The following USP34 variants were observed in gnomAD, a reference collection of about 807,000 sequenced individuals.
USP34 encodes ubiquitin carboxyl-terminal hydrolase 34.
A neutral mutation model predicts 460.3 loss-of-function variants in USP34; 70 were observed. That is an observed-to-expected ratio of 0.15 (90% CI 0.13 to 0.19). The LOEUF (loss-of-function observed/expected upper bound fraction) is 0.19, where lower values mean the gene tolerates loss of function less well. Ranked by LOEUF, USP34 falls within the 10% of genes least tolerant of loss-of-function variation. USP34 has a pLI of 1.00. For synonymous variants in USP34, 1,647 were observed against 1,405.3 expected, an observed-to-expected ratio of 1.17 and a Z score of -3.85; for missense variants, 3,985 against 4,236.2, an observed-to-expected ratio of 0.94 and a Z score of 1.65.
chr2:61,418,623 T>C (rs1273155709), intron 2 of USP34, among the ~76,000 whole-genome samples: 2 of 152,222 alleles, frequency 1.3e-5, no homozygotes, highest in Admixed American at 6.5e-5. Context: ...TATTAGTACC[T>C]GTTTATCCGC....
rs1309796148 is a variant in USP34, at chr2:61,317,662, T to G, written c.3274A>C (p.Asn1092His). 2 of 1,613,220 alleles carry G rather than the reference T, an allele frequency of 1.2e-6. No homozygotes were observed. The highest frequency in any genetic ancestry group is 1.7e-6 in the Non-Finnish European group (2 of 1,179,574). Residue 1092 changes from asparagine (N) to histidine (H), a missense_variant, in exon 23 of 80, where the codon AAT becomes CAT. By Grantham distance (68) the Asn-to-His change is moderately conservative (BLOSUM62 1). Transcript: ENST00000398571. Reference protein sequence around the residue: ...LATSAYDGCSNSELCGMDQFW... With the variant: ...LATSAYDGCSHSELCGMDQFW... ...TAAGTCTAAATCCATACCTCAGAAT[T>G]TGAACAACCATCATAGGCACTGGTA... is the stretch of plus-strand genomic sequence containing the variant.
At position 61,342,818 on chromosome 2, in the gene USP34, T is replaced by G. The variant is rs551714067; in HGVS notation, c.2500+997A>C. Reference sequence around the variant, plus strand: ...TGAAAAGAAAACCATTTTGTTCAATTTCTAACTCCACGCAGTAAAAAATAG... The same window carrying G: ...TGAAAAGAAAACCATTTTGTTCAATGTCTAACTCCACGCAGTAAAAAATAG... On this transcript the variant is annotated intron_variant, in intron 16 of 79. Transcript: ENST00000398571. 4.6e-5 allele frequency among the ~76,000 whole-genome samples: 7 copies of G among 152,312 alleles called. No homozygotes were observed. In the East Asian group the frequency reaches 1.3e-3, roughly 29 times the overall value.
At chr2:61,417,023 T>C in intron 2 of USP34, 1 of 1,310,268 alleles carries the variant, frequency 7.6e-7, no homozygotes, top group South Asian at 1.2e-5. Context: ...CCCCACTTCT[T>C]CCAGATGTGG....
At chr2:61,352,332 TACTAA>T (rs1281341808) in intron 10 of USP34, among the ~76,000 whole-genome samples, 2 of 151,888 alleles carry the variant, frequency 1.3e-5, no homozygotes, top group Admixed American at 6.6e-5. Context: ...TATATGTATA[TACTAA>T]ACTATACACT....
chr2:61,309,655 T>G lies in USP34; in HGVS notation c.3817+1885A>C, dbSNP rs1423376480. ...CTCCATGTCCTACTGCTTGAATCAG[T>G]AGAGGACATCCATTTCATCCTAAAG... On this transcript the variant is annotated intron_variant, in intron 27 of 79. Coordinates refer to ENST00000398571, the MANE Select transcript of USP34 (RefSeq NM_014709.4). Among the ~76,000 whole-genome samples the G allele has an allele frequency of 3.3e-5, 5 of 152,286 alleles. No individual in the cohort carries two copies. In the South Asian group the frequency reaches 1.0e-3, roughly 32 times the overall value.
Position 61,370,426 on chromosome 2 carries a change from A to C in USP34, c.1159-13T>G. On this transcript the variant is annotated splice_polypyrimidine_tract_variant and intron_variant, in intron 9 of 79. Coordinates refer to ENST00000398571, the MANE Select transcript of USP34 (RefSeq NM_014709.4). ...ACTGTTTGATAATCTGGAAAAGAAA[A>C]ACTTAATATCAATTTTTAAAAATAT... 1 of 1,613,618 alleles carries C rather than the reference A, an allele frequency of 6.2e-7. No individual in the cohort carries two copies. Among genetic ancestry groups the C allele is most frequent in the East Asian group, 2.2e-5 (1 of 44,856 alleles).
intron 2 of USP34, 128 bp from the exon 3 acceptor site, chr2:61,406,256 G>T: frequency 1.2e-6 from 1 of 801,114 alleles, no homozygotes; most frequent in Non-Finnish European, 1.9e-6. Flanking sequence ...CTTCCTGCTG[G>T]GGTACACCTT....
chr2:61,397,205 G>A (rs966803971), intron 3 of USP34, among the ~76,000 whole-genome samples: 4 of 152,138 alleles, frequency 2.6e-5, no homozygotes, highest in South Asian at 2.1e-4. Flanking sequence ...CACTTTGGGA[G>A]GCCAAGGTGG....
intron 15 of USP34, among the ~76,000 whole-genome samples, chr2:61,344,767 G>T (rs1346939702): frequency 6.6e-6 from 1 of 152,136 alleles, no homozygotes; most frequent in Non-Finnish European, 1.5e-5. Context: ...GTGAATGTTT[G>T]TATCTATAAT....
chr2:61,217,960 AAAAT>A (rs1277160927), intron 67 of USP34, among the ~76,000 whole-genome samples: 3 of 152,132 alleles, frequency 2.0e-5, no homozygotes, highest in Admixed American at 6.5e-5. Context: ...ATCTCGAAAG[AAAAT>A]AAATAAATAA....
intron 51 of USP34, among the ~76,000 whole-genome samples, chr2:61,243,479 A>C (rs2103862810): frequency 6.6e-6 from 1 of 152,268 alleles, no homozygotes; most frequent in East Asian, 1.9e-4. Flanking sequence ...TTTACCATAA[A>C]ATATGTAAAA....
Position 61,285,045 on chromosome 2 carries a change from T to A in USP34, c.4750-88A>T. On this transcript the variant is annotated intron_variant, in intron 34 of 79. Transcript: ENST00000398571. ...ACTCAAGATTTAGTTACTAAAGAGA[T>A]GTGTATTACAAAATTTTAACCCAAA... is the stretch of plus-strand genomic sequence containing the variant. 6 of 994,182 alleles carry A rather than the reference T, an allele frequency of 6.0e-6. No homozygotes were observed. In the South Asian group the frequency reaches 9.2e-5, roughly 15 times the overall value. 61.6% of individuals were successfully genotyped at this position (994,182 alleles called of 1,614,324 possible). A position where few individuals can be genotyped will look rare whatever the true frequency, so the allele number is the denominator to read the frequency against.
chr2:61,443,200 G>T (rs1695015392), intron 1 of USP34, among the ~76,000 whole-genome samples: 1 of 152,042 alleles, frequency 6.6e-6, no homozygotes. Flanking sequence ...TAGATAGGAG[G>T]AATAAGTTCC....
chr2:61,290,941 A>C (rs1689831860), intron 33 of USP34, among the ~76,000 whole-genome samples: 1 of 152,150 alleles, frequency 6.6e-6, no homozygotes, highest in Non-Finnish European at 1.5e-5. Context: ...GGACAAGCAC[A>C]AAGGAAAACA....
In USP34 at chr2:61,342,296, CTTTTTTTTTTTTT is replaced by C. The variant is rs34298126; in HGVS notation, c.2500+1506_2500+1518del. ...TGAGAGTGTACTTACTGGCCGTTTC[CTTTTTTTTTTTTT>C]TTTTTTTTTAAGACGGAGTCTCACT... On this transcript the variant is annotated intron_variant, in intron 16 of 79. Coordinates refer to ENST00000398571, the MANE Select transcript of USP34 (RefSeq NM_014709.4). Among the ~76,000 whole-genome samples the C allele has an allele frequency of 1.3e-4, 12 of 95,096 alleles. No individual in the cohort carries two copies. The East Asian group carries it at 2.1e-3, about 16-fold the overall frequency. The allele number at this position is 95,096 out of a possible 152,430, so 62.4% of individuals were successfully genotyped here. A position where few individuals can be genotyped will look rare whatever the true frequency, so the allele number is the denominator to read the frequency against.
chr2:61,416,874 T>C (rs1045821375), intron 2 of USP34: 3 of 724,408 alleles, frequency 4.1e-6, no homozygotes, highest in Admixed American at 4.5e-5. Context: ...GGCAGCACAG[T>C]GGAAGCCCTC....
intron 5 of USP34, among the ~76,000 whole-genome samples, chr2:61,387,826 AAT>A (rs1291822815): frequency 1.3e-5 from 2 of 148,210 alleles, no homozygotes; most frequent in Non-Finnish European, 3.0e-5. Flanking sequence ...CACATGTAAA[AAT>A]ATATTTTTAC....
chr2:61,435,166 ATGG>A (rs771355382), intron 1 of USP34, among the ~76,000 whole-genome samples: 12 of 151,858 alleles, frequency 7.9e-5, no homozygotes, highest in Non-Finnish European at 1.5e-4. Flanking sequence ...TTAGCTGGAC[ATGG>A]TGGTGAATGC....
At chr2:61,387,547 AATAT>A (rs200529428) in intron 5 of USP34, among the ~76,000 whole-genome samples, 63 of 147,358 alleles carry the variant, frequency 4.3e-4, no homozygotes, top group African/African-American at 1.3e-3. Flanking sequence ...ACATATATAA[AATAT>A]ATATATTTAT....
Sources: gnomAD v4.1 joint callset for allele counts (sites outside exome capture counted in the v4.1 genomes callset) on GRCh38, gnomAD v4.1.1 for gene constraint, MANE v1.5 for transcripts, NCBI Gene and HGNC (gene_info 2026-07-23, HGNC 2026-07-21) for gene names.